The following DOCK8 variants were observed in gnomAD, a reference collection of about 807,000 sequenced individuals.
DOCK8 encodes the protein dedicator of cytokinesis 8.
DOCK8 carries 141 observed loss-of-function variants against 245.6 expected under a neutral mutation model. The observed-to-expected ratio is 0.57, with a 90% CI of 0.50 to 0.66. The LOEUF (loss-of-function observed/expected upper bound fraction) is 0.66, where lower values mean the gene tolerates loss of function less well. DOCK8 is among the 30% of genes least tolerant of loss of function. The probability of loss-of-function intolerance (pLI) is 0.00; values close to 1 mark genes in which losing one functional copy is unlikely to be tolerated. For synonymous variants in DOCK8, 1,168 were observed against 970.2 expected (o/e 1.20, Z -3.79); for missense variants, 2,965 against 2,603.4 (o/e 1.14, Z -3.02).
At chr9:381,433 C>T (rs1414876551) in intron 21 of DOCK8, 1 of 152,116 alleles carries the variant, frequency 6.6e-6, no homozygotes, top group African/African-American at 2.4e-5. Context: ...AAAAAAATCC[C>T]TTTTCACATT....
chr9:382,428 C>G (rs1391906320), intron 21 of DOCK8, 85 bp from the exon 22 acceptor site: 9 of 1,581,808 alleles, frequency 5.7e-6, no homozygotes, highest in Admixed American at 3.3e-5. Flanking sequence ...TTTCATCCAC[C>G]CTATCCCTCT....
chr9:333,315 G>A (rs1045569081), intron 10 of DOCK8, among the ~76,000 whole-genome samples: 2 of 152,200 alleles, frequency 1.3e-5, no homozygotes, highest in Non-Finnish European at 2.9e-5. Context: ...TTAAAACATG[G>A]CCTTGGCCGG....
chr9:256,035 G>C (rs1391203650), intron 1 of DOCK8, among the ~76,000 whole-genome samples: 1 of 152,180 alleles, frequency 6.6e-6, no homozygotes, highest in East Asian at 1.9e-4. Context: ...TGATTTAAGA[G>C]ATTATTACTT....
intron 33 of DOCK8, among the ~76,000 whole-genome samples, chr9:423,328 A>C (rs1176640611): frequency 6.6e-6 from 1 of 152,230 alleles, no homozygotes; most frequent in Non-Finnish European, 1.5e-5. Flanking sequence ...GTTTGACTAG[A>C]TAGCACATGT....
intron 13 of DOCK8, among the ~76,000 whole-genome samples, chr9:339,557 C>A (rs1462090403): frequency 6.6e-6 from 1 of 152,186 alleles, no homozygotes; most frequent in Non-Finnish European, 1.5e-5. Context: ...GCTCTGTCAC[C>A]AGGCTGGAGT....
chr9:371,301 A>G (rs2131213509), intron 16 of DOCK8, 127 bp from the exon 17 acceptor site: 1 of 1,062,936 alleles, frequency 9.4e-7, no homozygotes, highest in Middle Eastern at 2.9e-4. Context: ...TTCAGAGCAG[A>G]GTAATGTAAA....
chr9:307,897 G>A (rs993533316), intron 5 of DOCK8, among the ~76,000 whole-genome samples: 15 of 152,166 alleles, frequency 9.9e-5, no homozygotes, highest in African/African-American at 3.6e-4. Flanking sequence ...AAAAAATGAA[G>A]TCCTGTCATT....
chr9:413,869 C>T (rs535507968), intron 28 of DOCK8, among the ~76,000 whole-genome samples: 1 of 152,160 alleles, frequency 6.6e-6, no homozygotes, highest in Non-Finnish European at 1.5e-5. Context: ...GCTGGGCGCT[C>T]GGCGGCTCAC....
At chr9:340,592 G>A in intron 14 of DOCK8, 1 of 355,512 alleles carries the variant, frequency 2.8e-6, no homozygotes, top group South Asian at 3.0e-5. Context: ...CTGCACTCCA[G>A]CCTGGGAGAC....
chr9:298,839 C>T (rs988143523), intron 4 of DOCK8, among the ~76,000 whole-genome samples: 2 of 151,150 alleles, frequency 1.3e-5, no homozygotes, highest in Non-Finnish European at 2.9e-5. Flanking sequence ...CCTTGTAAAC[C>T]TTCGTGTCAT....
chr9:296,371 C>T (rs2049259803), intron 4 of DOCK8, among the ~76,000 whole-genome samples: 1 of 152,186 alleles, frequency 6.6e-6, no homozygotes, highest in Non-Finnish European at 1.5e-5. Context: ...GAGCTGAACT[C>T]TTAAGAAATT....
chr9:350,693 G>T (rs1043217183), intron 14 of DOCK8, among the ~76,000 whole-genome samples: 2 of 152,212 alleles, frequency 1.3e-5, no homozygotes, highest in Non-Finnish European at 2.9e-5. Flanking sequence ...TCACTTTGCG[G>T]ATAAGCAGAA....
intron 27 of DOCK8, among the ~76,000 whole-genome samples, chr9:406,093 A>G (rs1219156358): frequency 6.6e-5 from 10 of 152,228 alleles, no homozygotes; most frequent in Non-Finnish European, 1.5e-5. Flanking sequence ...GGATACAAAT[A>G]CAGGACAGGA....
chr9:248,081 A>G (rs1327718716), intron 1 of DOCK8, among the ~76,000 whole-genome samples: 4 of 152,194 alleles, frequency 2.6e-5, no homozygotes, highest in South Asian at 2.1e-4. Context: ...ATTAAGTCCA[A>G]TACAGAGAGT....
Position 418,056 on chromosome 9 carries a change from T to A in DOCK8, c.3701-12T>A. 1.2e-6 allele frequency: 2 copies of A among 1,614,172 alleles called. No homozygotes were observed. Among genetic ancestry groups the A allele is most frequent in the South Asian group, 2.2e-5 (2 of 91,088 alleles). On this transcript the variant is annotated splice_polypyrimidine_tract_variant and intron_variant, in intron 29 of 47. Coordinates refer to ENST00000432829, the MANE Select transcript of DOCK8 (RefSeq NM_203447.4). ...GTTTGACTTGACATCACAAACGATG[T>A]TTTCATTGCAGTTGCAGATACTCGC...
At chr9:386,482 C>T in intron 23 of DOCK8, 56 bp downstream of exon 23, 3 of 1,468,730 alleles carry the variant, frequency 2.0e-6, no homozygotes, top group Non-Finnish European at 2.8e-6. Context: ...AGGATTTCCT[C>T]ATGCCCTCAC....
Position 429,815 on chromosome 9 carries a change from C to G in DOCK8, c.4587C>G (p.Thr1529=), listed in dbSNP as rs2056643428. The G allele has an allele frequency of 1.2e-6, 2 of 1,614,098 alleles. No individual in the cohort carries two copies. Among genetic ancestry groups the G allele is most frequent in the African/African-American group, 1.3e-5 (1 of 75,012 alleles). ...TCACCCGGAGCCAAGCCTGTGCCACCCTTTACCTCCTCATGAGGTTCAGTT... is the reference window on the plus strand; with the variant it reads ...TCACCCGGAGCCAAGCCTGTGCCACGCTTTACCTCCTCATGAGGTTCAGTT... ...MDVTRSQACA[T]LYLLMRFSFG... The change falls in exon 36 of 48, where the codon ACC becomes ACG. Residue 1529 remains threonine (T), a synonymous_variant. Transcript: ENST00000432829.
chr9:256,780 G>A (rs537335376), intron 1 of DOCK8, among the ~76,000 whole-genome samples: 4 of 150,290 alleles, frequency 2.7e-5, no homozygotes, highest in Non-Finnish European at 5.9e-5. Flanking sequence ...TCAGGCTTCA[G>A]TGCACATCAG....
intron 12 of DOCK8, among the ~76,000 whole-genome samples, chr9:337,788 A>G (rs890496959): frequency 2.0e-5 from 3 of 152,136 alleles, no homozygotes; most frequent in African/African-American, 7.2e-5. Flanking sequence ...TTTTTTTGCA[A>G]GACAAAAGCA....
Sources: allele counts gnomAD v4.1 joint callset (sites outside exome capture counted in the v4.1 genomes callset), GRCh38; gene constraint gnomAD v4.1.1; transcripts MANE v1.5; gene names NCBI Gene and HGNC (gene_info 2026-07-23, HGNC 2026-07-21).